Variants in TNR observed in about 807,000 individuals in gnomAD.
TNR encodes tenascin-R.
A neutral mutation model predicts 150.4 loss-of-function variants in TNR; 45 were observed. The observed-to-expected ratio is 0.30, with a 90% CI of 0.24 to 0.38. The LOEUF (loss-of-function observed/expected upper bound fraction) is 0.38. Among genes scored for constraint, TNR ranks in the 10% least tolerant of loss-of-function variants. TNR has a pLI of 1.00. For synonymous variants in TNR, 687 were observed against 678.4 expected (o/e 1.01, Z -0.20); for missense variants, 1,544 against 1,759.1 (o/e 0.88, Z 2.19).
Position 175,320,017 on chromosome 1 carries a change from GCCTGGAC to G in TNR, c.*3333_*3339del, listed in dbSNP as rs1268519006. ...TGGGGAAATGCAAAAAAGGGAAACT[GCCTGGAC>G]CTTGGGTCTAGACAGTGAATCTATT... On this transcript the variant is annotated 3_prime_UTR_variant, in exon 23 of 23. Transcript: ENST00000367674. 1 of 152,286 alleles carries G rather than the reference GCCTGGAC, an allele frequency of 6.6e-6. No individual in the cohort carries two copies. Among genetic ancestry groups the G allele is most frequent in the East Asian group, 1.9e-4 (1 of 5,196 alleles). 9.4% of individuals were successfully genotyped at this position (152,286 alleles called of 1,614,324 possible).
chr1:175,452,402 G>T (rs1454020967), intron 2 of TNR, among the ~76,000 whole-genome samples: 1 of 152,280 alleles, frequency 6.6e-6, no homozygotes, highest in African/African-American at 2.4e-5. Context: ...AGGGCCTGGG[G>T]ACTGCATGGG....
At chr1:175,610,300 T>C (rs1314535964) in intron 1 of TNR, among the ~76,000 whole-genome samples, 1 of 152,236 alleles carries the variant, frequency 6.6e-6, no homozygotes, top group African/African-American at 2.4e-5. Context: ...AGAACCACTG[T>C]TACCCTGTGA....
At chr1:175,489,105 A>C (rs548304022) in intron 2 of TNR, among the ~76,000 whole-genome samples, 1 of 152,184 alleles carries the variant, frequency 6.6e-6, no homozygotes, top group South Asian at 2.1e-4. Context: ...TGCTGTAAGG[A>C]TGGAAAAAGG....
intron 1 of TNR, among the ~76,000 whole-genome samples, chr1:175,626,140 G>A (rs767578056): frequency 9.2e-5 from 14 of 152,136 alleles, no homozygotes; most frequent in Non-Finnish European, 1.9e-4. Flanking sequence ...CCATGATTCT[G>A]AGACATTCTC....
chr1:175,367,249 T>A lies in TNR; in HGVS notation c.2012A>T (p.Asn671Ile). The change falls in exon 10 of 23, where the codon AAC (asparagine) becomes ATC (isoleucine). Residue 671 changes from asparagine (N) to isoleucine (I), a missense_variant. Asn to Ile is a moderately radical substitution (Grantham distance 149). This residue lies in a region of TNR where 1,254 missense variants were observed against 1,329.4 expected (regional missense o/e 0.94). Coordinates refer to ENST00000367674, the MANE Select transcript of TNR (RefSeq NM_003285.3). ...GGTGGCTGGCACGCTTTGCTGTGAG[T>A]TCATGACGGCAGATATTCCAACTCC... ...EYGVGISAVMNSQQSVPATMN... is the reference protein window; with the variant it reads ...EYGVGISAVMISQQSVPATMN... The A allele has an allele frequency of 6.2e-7, 1 of 1,614,112 alleles. No homozygotes were observed. Among genetic ancestry groups the A allele is most frequent in the Non-Finnish European group, 8.5e-7 (1 of 1,180,002 alleles).
At chr1:175,386,691 C>A (rs1449743794) in intron 7 of TNR, among the ~76,000 whole-genome samples, 4 of 152,144 alleles carry the variant, frequency 2.6e-5, no homozygotes, top group African/African-American at 9.7e-5. Flanking sequence ...CTCTTTGAGC[C>A]CTGAGGAAAG....
chr1:175,470,934 C>T (rs906020218), intron 2 of TNR, among the ~76,000 whole-genome samples: 2 of 152,150 alleles, frequency 1.3e-5, no homozygotes, highest in Admixed American at 6.5e-5. Flanking sequence ...GAGGTTAATG[C>T]CACCAAATGT....
At chr1:175,359,536 A>G (rs1651493505) in intron 15 of TNR, 76 bp downstream of exon 15, 1 of 1,606,746 alleles carries the variant, frequency 6.2e-7, no homozygotes, top group Non-Finnish European at 8.5e-7. Context: ...TGTTTTGTTT[A>G]TTCACATCAT....
At chr1:175,443,464 A>AG (rs1293825718) in intron 2 of TNR, among the ~76,000 whole-genome samples, 1 of 152,142 alleles carries the variant, frequency 6.6e-6, no homozygotes, top group Non-Finnish European at 1.5e-5. Context: ...CTTCCAGTCA[A>AG]TGCTTAGCAA....
intron 1 of TNR, among the ~76,000 whole-genome samples, chr1:175,660,105 T>C (rs61476622): frequency 4.7e-4 from 72 of 152,144 alleles, no homozygotes; most frequent in Admixed American, 2.6e-4. Context: ...TTCAAAGCAG[T>C]GTCATCCCCT....
chr1:175,402,164 G>A (rs867519212), intron 4 of TNR, among the ~76,000 whole-genome samples: 6 of 151,272 alleles, frequency 4.0e-5, no homozygotes, highest in African/African-American at 9.7e-5. Context: ...AAAATTAGCC[G>A]GGCGCGGTGG....
At chr1:175,598,823 C>A (rs2101844730) in intron 1 of TNR, among the ~76,000 whole-genome samples, 2 of 152,338 alleles carry the variant, frequency 1.3e-5, no homozygotes, top group Middle Eastern at 6.8e-3. Context: ...CACCCAGCCG[C>A]TCAGTGGCAT....
chr1:175,487,233 C>T (rs1220430267), intron 2 of TNR, among the ~76,000 whole-genome samples: 1 of 152,176 alleles, frequency 6.6e-6, no homozygotes, highest in East Asian at 1.9e-4. Context: ...CTCGAATGTG[C>T]AGTTCACAAT....
chr1:175,453,518 G>A (rs907037730), intron 2 of TNR, among the ~76,000 whole-genome samples: 1 of 151,946 alleles, frequency 6.6e-6, no homozygotes, highest in African/African-American at 2.4e-5. Context: ...TTTCTAACTT[G>A]CAGTTTTTTG....
chr1:175,397,870 C>G (rs1161283917), intron 4 of TNR, among the ~76,000 whole-genome samples: 1 of 152,164 alleles, frequency 6.6e-6, no homozygotes, highest in African/African-American at 2.4e-5. Context: ...AATAATCAAG[C>G]CTTTAAGACT....
At chr1:175,370,569 G>T (rs543028076) in intron 9 of TNR, among the ~76,000 whole-genome samples, 1 of 152,076 alleles carries the variant, frequency 6.6e-6, no homozygotes. Context: ...TTGAGTGGGT[G>T]ATTGCAATAC....
At chr1:175,660,663 A>C (rs556765934) in intron 1 of TNR, among the ~76,000 whole-genome samples, 1 of 152,238 alleles carries the variant, frequency 6.6e-6, no homozygotes, top group Admixed American at 6.5e-5. Context: ...TATCACAGAC[A>C]TTGGAGAGGG....
chr1:175,547,256 T>A (rs1030790276), intron 1 of TNR, among the ~76,000 whole-genome samples: 1 of 152,228 alleles, frequency 6.6e-6, no homozygotes, highest in African/African-American at 2.4e-5. Context: ...CACATCTGAC[T>A]GATCCCCACC....
At chr1:175,468,629 C>T (rs1264972442) in intron 2 of TNR, among the ~76,000 whole-genome samples, 1 of 152,036 alleles carries the variant, frequency 6.6e-6, no homozygotes, top group Non-Finnish European at 1.5e-5. Context: ...AAGGGGATAC[C>T]TATGTTTAGT....
Sources: gnomAD v4.1 joint callset for allele counts (sites outside exome capture counted in the v4.1 genomes callset) on GRCh38, gnomAD v4.1.1 for gene constraint, gnomAD v4.1.1 regional missense constraint, MANE v1.5 for transcripts, NCBI Gene and HGNC (gene_info 2026-07-23, HGNC 2026-07-21) for gene names.